The following RTN1 variants were observed in gnomAD, a reference collection of about 807,000 sequenced individuals.
The protein encoded by RTN1 is reticulon-1.
In RTN1, 25 loss-of-function variants were observed where a neutral mutation model predicts 65.5. The ratio of observed to expected loss-of-function variants is 0.38; its 90% CI spans 0.28 to 0.53. RTN1 has a LOEUF of 0.53. Ranked by LOEUF, RTN1 falls within the 20% of genes least tolerant of loss-of-function variation. RTN1 has a pLI of 0.79. For missense variants in RTN1, 983 were observed against 1,025.4 expected, an observed-to-expected ratio of 0.96 and a Z score of 0.57; for synonymous variants, 471 against 447.6, an observed-to-expected ratio of 1.05 and a Z score of -0.66.
chr14:59,814,510 A>G (rs1005266405), intron 1 of RTN1, among the ~76,000 whole-genome samples: 10 of 152,224 alleles, frequency 6.6e-5, no homozygotes, highest in African/African-American at 2.4e-4. Flanking sequence ...CTGGAAAGGC[A>G]GACTATGAAA....
chr14:59,869,163 G>A (rs1227229567), intron 1 of RTN1, among the ~76,000 whole-genome samples: 1 of 151,756 alleles, frequency 6.6e-6, no homozygotes, highest in African/African-American at 2.4e-5. Flanking sequence ...CCCCAGCTCA[G>A]ATCTTCTGTA....
intron 3 of RTN1, among the ~76,000 whole-genome samples, chr14:59,641,294 A>G (rs2140191945): frequency 6.6e-6 from 1 of 152,112 alleles, no homozygotes; most frequent in Non-Finnish European, 1.5e-5. Context: ...CTTCTTTGAA[A>G]TTAATCAAGT....
chr14:59,647,495 A>G (rs1882925204), intron 3 of RTN1, among the ~76,000 whole-genome samples: 1 of 152,206 alleles, frequency 6.6e-6, no homozygotes, highest in Admixed American at 6.5e-5. Context: ...AACAGACTAT[A>G]CATTCTTCTC....
At chr14:59,781,592 A>T (rs150234042) in intron 1 of RTN1, among the ~76,000 whole-genome samples, 1 of 152,144 alleles carries the variant, frequency 6.6e-6, no homozygotes, top group Non-Finnish European at 1.5e-5. Flanking sequence ...TTTAATGGCC[A>T]TAAATATTCC....
In RTN1 at chr14:59,749,248, CTATATATCTA is replaced by C. The variant is rs1566711258; in HGVS notation, c.242-2777_242-2768del. On this transcript the variant is annotated intron_variant, in intron 1 of 8. Transcript: ENST00000267484. The stretch of plus-strand genomic sequence containing the variant: ...TATATCTATATATATCTATATATAT[CTATATATCTA>C]TATATATCTATATATATATCTATAT... Among the ~76,000 whole-genome samples the C allele has an allele frequency of 2.8e-4, 9 of 32,060 alleles. 1 individual carries two copies. Among genetic ancestry groups the C allele is most frequent in the Admixed American group, 1.9e-3 (4 of 2,100 alleles). The allele number at this position is 32,060 out of a possible 152,430, so 21.0% of individuals were successfully genotyped here. A position where few individuals can be genotyped will look rare whatever the true frequency, so the allele number is the denominator to read the frequency against.
At chr14:59,750,256 A>ATATT (rs1566713468) in intron 1 of RTN1, among the ~76,000 whole-genome samples, 3 of 26,454 alleles carry the variant, frequency 1.1e-4, no homozygotes, top group African/African-American at 4.9e-4. Context: ...TATAATATAT[A>ATATT]ATATATATAA....
intron 1 of RTN1, among the ~76,000 whole-genome samples, chr14:59,795,589 C>G (rs1195463629): frequency 1.3e-5 from 2 of 152,154 alleles, no homozygotes; most frequent in Non-Finnish European, 2.9e-5. Context: ...TCCGTATTAT[C>G]TGCTAGTGTT....
intron 3 of RTN1, among the ~76,000 whole-genome samples, chr14:59,690,429 G>A (rs1883937678): frequency 6.6e-6 from 1 of 152,016 alleles, no homozygotes; most frequent in Non-Finnish European, 1.5e-5. Flanking sequence ...ACCCAACATT[G>A]GAGCACCCAG....
At chr14:59,869,634 C>A (rs991687382) in intron 1 of RTN1, among the ~76,000 whole-genome samples, 2 of 151,596 alleles carry the variant, frequency 1.3e-5, no homozygotes, top group Non-Finnish European at 2.9e-5. Flanking sequence ...CACTCACCAC[C>A]ACCCAAGCCC....
intron 3 of RTN1, among the ~76,000 whole-genome samples, chr14:59,650,434 T>C (rs976857691): frequency 6.6e-6 from 1 of 152,112 alleles, no homozygotes; most frequent in African/African-American, 2.4e-5. Flanking sequence ...TAAAATAAAA[T>C]GCATTGAAAT....
intron 1 of RTN1, among the ~76,000 whole-genome samples, chr14:59,869,622 T>C: frequency 6.8e-6 from 1 of 146,694 alleles, no homozygotes; most frequent in African/African-American, 2.5e-5. Flanking sequence ...CTGTACCACG[T>C]CCACTCACCA....
At chr14:59,619,940 G>C (rs544292960) in intron 3 of RTN1, among the ~76,000 whole-genome samples, 6 of 152,150 alleles carry the variant, frequency 3.9e-5, no homozygotes, top group African/African-American at 1.4e-4. Flanking sequence ...CTTATCGTAA[G>C]GGGCTGGGTG....
intron 1 of RTN1, among the ~76,000 whole-genome samples, chr14:59,769,969 T>A (rs1039289295): frequency 6.6e-6 from 1 of 151,994 alleles, no homozygotes; most frequent in Non-Finnish European, 1.5e-5. Context: ...GCAGAGAACA[T>A]GGAATGAGCA....
chr14:59,733,079 C>CTTTTTTTTTTTTTTT (rs5809048), intron 2 of RTN1, among the ~76,000 whole-genome samples: 3 of 145,798 alleles, frequency 2.1e-5, no homozygotes, highest in African/African-American at 2.5e-5. Context: ...GGTCAGACTG[C>CTTTTTTTTTTTTTTT]TTTTTTTTTT....
At chr14:59,834,324 C>T (rs1433121325) in intron 1 of RTN1, among the ~76,000 whole-genome samples, 4 of 152,044 alleles carry the variant, frequency 2.6e-5, no homozygotes. Flanking sequence ...AGATACAACA[C>T]CAAAAGCACA....
intron 1 of RTN1, among the ~76,000 whole-genome samples, chr14:59,754,095 G>C (rs1049712814): frequency 6.6e-6 from 1 of 152,062 alleles, no homozygotes; most frequent in Non-Finnish European, 1.5e-5. Flanking sequence ...CTTCAAAAAA[G>C]TACTTATAAT....
intron 5 of RTN1, chr14:59,604,568 C>G (rs1881683874): frequency 6.6e-6 from 1 of 152,250 alleles, no homozygotes; most frequent in African/African-American, 2.4e-5. Flanking sequence ...CATTATATGG[C>G]AAGTCATTAT....
intron 3 of RTN1, among the ~76,000 whole-genome samples, chr14:59,719,824 C>T (rs888811143): frequency 3.3e-5 from 5 of 152,268 alleles, no homozygotes; most frequent in African/African-American, 1.2e-4. Context: ...GTCTTCCAAA[C>T]TCCATTATTA....
intron 1 of RTN1, among the ~76,000 whole-genome samples, chr14:59,782,041 C>T (rs949071180): frequency 2.0e-5 from 3 of 151,970 alleles, no homozygotes; most frequent in African/African-American, 7.3e-5. Flanking sequence ...GGGATTAGTG[C>T]CCTTTTAAAG....
Sources: allele counts gnomAD v4.1 joint callset (sites outside exome capture counted in the v4.1 genomes callset), GRCh38; gene constraint gnomAD v4.1.1; transcripts MANE v1.5; gene names NCBI Gene and HGNC (gene_info 2026-07-23, HGNC 2026-07-21).